The following STAB2 variants were observed in gnomAD, a reference collection of about 807,000 sequenced individuals.
The protein encoded by STAB2 is stabilin-2.
In STAB2, 288 loss-of-function variants were observed where a neutral mutation model predicts 338.1. That is an observed-to-expected ratio of 0.85 (90% CI 0.77 to 0.94). The LOEUF is 0.94. Ranked by LOEUF, STAB2 falls within the 40% of genes least tolerant of loss-of-function variation. The probability of loss-of-function intolerance (pLI) is 0.00; values close to 1 mark genes in which losing one functional copy is unlikely to be tolerated. For synonymous variants in STAB2, 1,202 were observed against 1,193.3 expected (o/e 1.01, Z -0.15); for missense variants, 3,141 against 3,210.1 (o/e 0.98, Z 0.52).
At chr12:103,647,879 A>C (rs1398182573) in intron 9 of STAB2, among the ~76,000 whole-genome samples, 2 of 152,162 alleles carry the variant, frequency 1.3e-5, no homozygotes, top group South Asian at 4.1e-4. Context: ...CATAGTTTGT[A>C]TATTTATTTT....
intron 58 of STAB2, among the ~76,000 whole-genome samples, chr12:103,746,949 C>CTTTTTTTTTTTTTTTTTTTTTTTCTTTT (rs370851005): frequency 1.0e-5 from 1 of 96,078 alleles, no homozygotes; most frequent in Non-Finnish European, 2.1e-5. Flanking sequence ...GTTTTTCTTT[C>CTTTTTTTTTTTTTTTTTTTTTTTCTTTT]TTTTTTTTTT....
chr12:103,720,967 T>C (rs1268212803), intron 44 of STAB2, among the ~76,000 whole-genome samples: 1 of 152,190 alleles, frequency 6.6e-6, no homozygotes, highest in African/African-American at 2.4e-5. Context: ...GTGTCAATGT[T>C]GTAACAAGTT....
chr12:103,668,306 G>T (rs1289932050), intron 19 of STAB2, among the ~76,000 whole-genome samples: 1 of 152,214 alleles, frequency 6.6e-6, no homozygotes, highest in East Asian at 1.9e-4. Context: ...AGATCTTAGG[G>T]ATGGCTATAG....
At position 103,662,956 on chromosome 12, in the gene STAB2, T is replaced by G; in HGVS notation, c.1980T>G (p.Ile660Met). The G allele has an allele frequency of 6.2e-7, 1 of 1,614,144 alleles. No homozygotes were observed. The highest frequency in any genetic ancestry group is 8.5e-7 in the Non-Finnish European group (1 of 1,180,016). Residue 660 changes from isoleucine to methionine, a missense_variant, in exon 18 of 69, where the codon ATT becomes ATG. Ile to Met is a conservative substitution (Grantham distance 10, BLOSUM62 1). Transcript: ENST00000388887. ...GVLIPPSIVP[I>M]LPHRCDETKR... Reference sequence around the variant, plus strand: ...TCATTCCTCCCTCCATTGTCCCGATTCTGCCCCATCGATGTGATGAAACAA... The same window carrying G: ...TCATTCCTCCCTCCATTGTCCCGATGCTGCCCCATCGATGTGATGAAACAA...
intron 38 of STAB2, among the ~76,000 whole-genome samples, chr12:103,707,454 G>C (rs1051803495): frequency 6.6e-6 from 1 of 152,230 alleles, no homozygotes; most frequent in African/African-American, 2.4e-5. Flanking sequence ...TACACCTGAT[G>C]AGAGGCAGAA....
chr12:103,763,046 C>A (rs1204450646), intron 67 of STAB2, among the ~76,000 whole-genome samples: 1 of 152,238 alleles, frequency 6.6e-6, no homozygotes, highest in African/African-American at 2.4e-5. Context: ...AGTTTGCTGC[C>A]TTCTGGCAGA....
At chr12:103,716,791 T>C (rs780244972) in intron 43 of STAB2, among the ~76,000 whole-genome samples, 1 of 152,182 alleles carries the variant, frequency 6.6e-6, no homozygotes, top group African/African-American at 2.4e-5. Context: ...TAGGAGATAA[T>C]CTATAAACTT....
At chr12:103,707,043 T>A in intron 38 of STAB2, 56 bp downstream of exon 38, 1 of 1,588,034 alleles carries the variant, frequency 6.3e-7, no homozygotes, top group South Asian at 1.1e-5. Flanking sequence ...ACCAGGAATA[T>A]GCAGGGAAAG....
chr12:103,765,751 A>AGGCTGATCTCAAACTCC (rs1884902053), intron 68 of STAB2, among the ~76,000 whole-genome samples: 1 of 151,482 alleles, frequency 6.6e-6, no homozygotes, highest in Non-Finnish European at 1.5e-5. Context: ...CGTGTTGCTC[A>AGGCTGATCTCAAACTCC]GGCTGATCTC....
intron 7 of STAB2, 47 bp downstream of exon 7, chr12:103,637,283 G>C (rs1176858639): frequency 1.9e-6 from 3 of 1,572,454 alleles, no homozygotes; most frequent in East Asian, 2.3e-5. Context: ...AGATGTTTAG[G>C]TTATTTAACA....
Position 103,741,712 on chromosome 12 carries a change from C to T in STAB2, c.5882-693C>T, listed in dbSNP as rs555073329. Among the ~76,000 whole-genome samples the T allele has an allele frequency of 3.3e-5, 5 of 152,350 alleles. No individual in the cohort carries two copies. In the South Asian group the frequency reaches 1.0e-3, roughly 32 times the overall value. The stretch of plus-strand genomic sequence containing the variant: ...TCAAGCAGTCCATCCATCTTGGCCT[C>T]CCAAAGTGCTAGGATTACAGGCGTG... On this transcript the variant is annotated intron_variant, in intron 55 of 68. Coordinates refer to ENST00000388887, the MANE Select transcript of STAB2 (RefSeq NM_017564.10).
At chr12:103,692,655 T>G (rs2138916761) in intron 30 of STAB2, among the ~76,000 whole-genome samples, 157 bp from the exon 31 acceptor site, 2 of 152,010 alleles carry the variant, frequency 1.3e-5, no homozygotes, top group African/African-American at 4.8e-5. Flanking sequence ...GAGAGAGGGG[T>G]CTATGGGACA....
At chr12:103,717,867 C>A (rs1195307911) in intron 44 of STAB2, 26 bp downstream of exon 44, 1 of 1,612,916 alleles carries the variant, frequency 6.2e-7, no homozygotes, top group Non-Finnish European at 8.5e-7. Flanking sequence ...GGGTGGATAT[C>A]CTTCAAGCCT....
At chr12:103,743,579 C>T (rs1362003022) in intron 56 of STAB2, among the ~76,000 whole-genome samples, 5 of 152,138 alleles carry the variant, frequency 3.3e-5, no homozygotes, top group Non-Finnish European at 5.9e-5. Flanking sequence ...ATCAAACTTT[C>T]GGCAGTGCGG....
intron 18 of STAB2, among the ~76,000 whole-genome samples, chr12:103,664,519 A>G (rs1271303815): frequency 6.6e-6 from 1 of 152,204 alleles, no homozygotes; most frequent in Admixed American, 6.5e-5. Flanking sequence ...CCCATGGAAA[A>G]CATAACCCCA....
rs76843159 is a variant in STAB2, at chr12:103,725,104, G to C, written c.4803+10G>C. 3.9e-4 allele frequency: 623 copies of C among 1,606,632 alleles called. 3 individuals are homozygous for C. In the African/African-American group the frequency reaches 7.5e-3, roughly 19 times the overall value. On this transcript the variant is annotated intron_variant, in intron 45 of 68. Coordinates refer to ENST00000388887, the MANE Select transcript of STAB2 (RefSeq NM_017564.10). ...CGGCAGCATTTATCAGGTAACGCGA[G>C]ACATGTTTCCATCAAGTAAACTCTA...
At position 103,727,363 on chromosome 12, in the gene STAB2, C is replaced by T; in HGVS notation, c.4935+13C>T. The T allele has an allele frequency of 6.2e-7, 1 of 1,614,118 alleles. No individual in the cohort carries two copies. The highest frequency in any genetic ancestry group is 8.5e-7 in the Non-Finnish European group (1 of 1,179,968). The stretch of plus-strand genomic sequence containing the variant: ...TGAGGAAGCTCGGGTGAGCATGAGA[C>T]TGTGGGCAGAAGGGGGAGGTCTGCG... On this transcript the variant is annotated intron_variant, in intron 47 of 68. Transcript: ENST00000388887.
chr12:103,604,212 C>T (rs1036044430), intron 3 of STAB2, among the ~76,000 whole-genome samples: 1 of 152,056 alleles, frequency 6.6e-6, no homozygotes, highest in Non-Finnish European at 1.5e-5. Flanking sequence ...TTTAACCTTA[C>T]TGCTCTTACC....
chr12:103,640,279 CCAA>C, intron 9 of STAB2, 23 bp downstream of exon 9: 1 of 1,596,098 alleles, frequency 6.3e-7, no homozygotes, highest in Non-Finnish European at 8.6e-7. Flanking sequence ...AATTCCTCCA[CCAA>C]CATTTCCAAG....
Sources: gnomAD v4.1 joint callset for allele counts (sites outside exome capture counted in the v4.1 genomes callset) on GRCh38, gnomAD v4.1.1 for gene constraint, MANE v1.5 for transcripts, NCBI Gene and HGNC (gene_info 2026-07-23, HGNC 2026-07-21) for gene names.